The following PIEZO2 variants were observed in gnomAD, a reference collection of about 807,000 sequenced individuals.
PIEZO2 encodes the protein piezo type mechanosensitive ion channel component 2.
PIEZO2 carries 172 observed loss-of-function variants against 337.3 expected under a neutral mutation model. That is an observed-to-expected ratio of 0.51 (90% confidence interval 0.45 to 0.58). The LOEUF (loss-of-function observed/expected upper bound fraction) is 0.58, where lower values mean the gene tolerates loss of function less well. Among genes scored for constraint, PIEZO2 ranks in the 20% least tolerant of loss-of-function variants. PIEZO2 has a pLI of 0.00. For synonymous variants in PIEZO2, 1,251 were observed against 1,228.5 expected (o/e 1.02, Z -0.38); for missense variants, 3,028 against 3,391.3 (o/e 0.89, Z 2.66).
intron 3 of PIEZO2, among the ~76,000 whole-genome samples, chr18:10,926,596 AT>A (rs2031755284): frequency 6.6e-6 from 1 of 152,102 alleles, no homozygotes; most frequent in Non-Finnish European, 1.5e-5. Context: ...CTAATTGAGC[AT>A]TTTTTCCTTT....
At chr18:11,093,374 T>A (rs2039156361) in intron 1 of PIEZO2, among the ~76,000 whole-genome samples, 1 of 152,046 alleles carries the variant, frequency 6.6e-6, no homozygotes, top group Non-Finnish European at 1.5e-5. Flanking sequence ...AAACAAACAA[T>A]AACAATATAA....
At chr18:10,771,825 T>C (rs1470840468) in intron 20 of PIEZO2, among the ~76,000 whole-genome samples, 2 of 152,200 alleles carry the variant, frequency 1.3e-5, no homozygotes, top group Non-Finnish European at 2.9e-5. Context: ...TGAATCCCTT[T>C]GTCCAGCAGG....
At chr18:10,725,518 A>G in intron 36 of PIEZO2, 2 of 1,411,776 alleles carry the variant, frequency 1.4e-6, no homozygotes, top group South Asian at 2.7e-5. Flanking sequence ...GGGAGCTGGG[A>G]GTCGTGGGAA....
Position 10,696,400 on chromosome 18 carries a change from C to T in PIEZO2, c.6967G>A (p.Ala2323Thr), listed in dbSNP as rs2035086868. ...CCTTTGCCCCAACCTACCCCAAAGG[C>T]CCAAAAGCCGAAGACAATGATGATG... ...DFIIIVFGFW[A>T]FGKHSAAADI... Residue 2323 changes from alanine to threonine, a missense_variant, in exon 46 of 56, where the codon GCC becomes ACC. By Grantham distance (58) the Ala-to-Thr change is moderately conservative. This residue lies in a region of PIEZO2 where 1,925 missense variants were observed against 2,051.9 expected (regional missense o/e 0.94). Coordinates refer to ENST00000674853, the MANE Select transcript of PIEZO2 (RefSeq NM_001378183.1). The T allele has an allele frequency of 6.2e-7, 1 of 1,614,072 alleles. No individual in the cohort carries two copies. The highest frequency in any genetic ancestry group is 8.5e-7 in the Non-Finnish European group (1 of 1,180,036).
intron 8 of PIEZO2, among the ~76,000 whole-genome samples, chr18:10,804,592 G>T (rs975824701): frequency 6.6e-6 from 1 of 152,220 alleles, no homozygotes; most frequent in Non-Finnish European, 1.5e-5. Context: ...TACTGGAGTG[G>T]AGTGGACTTA....
chr18:10,796,597 A>G (rs2039607181), intron 12 of PIEZO2, among the ~76,000 whole-genome samples: 1 of 152,244 alleles, frequency 6.6e-6, no homozygotes, highest in Admixed American at 6.5e-5. Flanking sequence ...AATACTTAAA[A>G]GGAGGATAAA....
At chr18:11,006,420 G>T (rs1300656395) in intron 2 of PIEZO2, among the ~76,000 whole-genome samples, 1 of 152,180 alleles carries the variant, frequency 6.6e-6, no homozygotes, top group Non-Finnish European at 1.5e-5. Flanking sequence ...TGTGGCTTAA[G>T]ATCTTAGGGA....
chr18:10,957,912 T>A (rs2033610961), intron 3 of PIEZO2, among the ~76,000 whole-genome samples: 1 of 152,198 alleles, frequency 6.6e-6, no homozygotes, highest in African/African-American at 2.4e-5. Context: ...CATGAAAAAC[T>A]GCCCTACATC....
chr18:10,902,075 G>A (rs264177), intron 4 of PIEZO2, among the ~76,000 whole-genome samples: 93,260 of 152,082 alleles, frequency 0.61, 28,709 homozygotes, highest in East Asian at 0.79. Flanking sequence ...CAGCAGCATC[G>A]GTTTCTCATA....
At chr18:10,976,074 T>C (rs1236098287) in intron 3 of PIEZO2, among the ~76,000 whole-genome samples, 1 of 152,182 alleles carries the variant, frequency 6.6e-6, no homozygotes, top group African/African-American at 2.4e-5. Flanking sequence ...AACAATAACA[T>C]TAGTGAAGTG....
At chr18:10,959,657 T>G (rs2033683486) in intron 3 of PIEZO2, among the ~76,000 whole-genome samples, 2 of 152,242 alleles carry the variant, frequency 1.3e-5, no homozygotes, top group South Asian at 4.1e-4. Flanking sequence ...ACCCTTTATT[T>G]CATGAAATTA....
Position 11,047,426 on chromosome 18 carries a change from G to A in PIEZO2, c.160+18701C>T, listed in dbSNP as rs1049751574. 2.6e-5 allele frequency among the ~76,000 whole-genome samples: 4 copies of A among 152,130 alleles called. No homozygotes were observed. Among genetic ancestry groups the A allele is most frequent in the Admixed American group, 6.5e-5 (1 of 15,282 alleles). ...GCCTATCCCACAAGACGGCCCGGGG[G>A]AATTGTCCAAGAACAGGGCAAGGGG... On this transcript the variant is annotated intron_variant, in intron 2 of 55. Transcript: ENST00000674853. The surrounding 1 kb of genome is among the most constrained non-coding windows in gnomAD (Gnocchi z 7.2).
chr18:10,682,350 A>T lies in PIEZO2; in HGVS notation c.7498-58T>A. ...CAGGCTCAGGTGCTTTCCCGCAGGC[A>T]GCGGGATTGGGGGAGAGCGAGTGCT... On this transcript the variant is annotated intron_variant, in intron 49 of 55. Coordinates refer to ENST00000674853, the MANE Select transcript of PIEZO2 (RefSeq NM_001378183.1). This position sits in a 1 kb window ranked among gnomAD's most constrained non-coding sequence, Gnocchi z 5.6. 1 of 1,435,022 alleles carries T rather than the reference A, an allele frequency of 7.0e-7. No homozygotes were observed. The highest frequency in any genetic ancestry group is 9.3e-7 in the Non-Finnish European group (1 of 1,071,020). The allele number at this position is 1,435,022 out of a possible 1,614,324, so 88.9% of individuals were successfully genotyped here.
rs2036458576 is a variant in PIEZO2, at chr18:10,724,734, C to T, written c.5030-6475G>A. 5.3e-6 allele frequency: 8 copies of T among 1,516,532 alleles called. No homozygotes were observed. In the Admixed American group the frequency reaches 1.5e-4, roughly 29 times the overall value. 93.9% of individuals were successfully genotyped at this position (1,516,532 alleles called of 1,614,324 possible). A position where few individuals can be genotyped will look rare whatever the true frequency, so the allele number is the denominator to read the frequency against. ...CAGACCGAGATGGGCCACCACTGTACCCCTGGTCTCAGTCCCTGGCCTTGC... is the reference window on the plus strand; with the variant it reads ...CAGACCGAGATGGGCCACCACTGTATCCCTGGTCTCAGTCCCTGGCCTTGC... On this transcript the variant is annotated intron_variant, in intron 36 of 55. Coordinates refer to ENST00000674853, the MANE Select transcript of PIEZO2 (RefSeq NM_001378183.1). This position sits in a 1 kb window ranked among gnomAD's most constrained non-coding sequence, Gnocchi z 5.8.
chr18:10,875,669 C>G (rs2042251095), intron 4 of PIEZO2, among the ~76,000 whole-genome samples: 1 of 152,168 alleles, frequency 6.6e-6, no homozygotes, highest in South Asian at 2.1e-4. Flanking sequence ...AACAAGAACT[C>G]CAGCTGTGGC....
At chr18:10,858,700 C>T (rs117562778) in intron 5 of PIEZO2, among the ~76,000 whole-genome samples, 30 of 152,222 alleles carry the variant, frequency 2.0e-4, no homozygotes, top group African/African-American at 6.7e-4. Flanking sequence ...AAGCGTAAAG[C>T]GGCCTTCAGG....
At chr18:10,674,752 C>T (rs2033919027) in intron 54 of PIEZO2, among the ~76,000 whole-genome samples, 2 of 152,216 alleles carry the variant, frequency 1.3e-5, no homozygotes, top group Non-Finnish European at 2.9e-5. Flanking sequence ...TGAATTTATA[C>T]CATCCAAGTT....
rs1372717616 is a variant in PIEZO2, at chr18:10,784,012, C to T, written c.2492+772G>A. Among the ~76,000 whole-genome samples the T allele has an allele frequency of 6.6e-6, 1 of 152,152 alleles. No homozygotes were observed. The highest frequency in any genetic ancestry group is 1.5e-5 in the Non-Finnish European group (1 of 68,026). On this transcript the variant is annotated intron_variant, in intron 17 of 55. Coordinates refer to ENST00000674853, the MANE Select transcript of PIEZO2 (RefSeq NM_001378183.1). The surrounding 1 kb of genome is among the most constrained non-coding windows in gnomAD (Gnocchi z 4.5). ...GTGCTCCTCTCAATACAGCCCTTTG[C>T]TCCCTTAGCTGCTTAACAAGTATTT...
rs569343097 is a variant in PIEZO2, at chr18:10,705,439, G to A, written c.5896C>T (p.Arg1966Cys). Residue 1966 changes from arginine to cysteine, a missense_variant, in exon 41 of 56, where the codon CGT becomes TGT. By Grantham distance (180) the Arg-to-Cys change is radical. Coordinates refer to ENST00000674853, the MANE Select transcript of PIEZO2 (RefSeq NM_001378183.1). Reference sequence around the variant, plus strand: ...CTGTCGTCCGGGCTGACTGCCATACGGTTCTTGCCTGCAGAGTCGTCCTGC... The same window carrying A: ...CTGTCGTCCGGGCTGACTGCCATACAGTTCTTGCCTGCAGAGTCGTCCTGC... ...GSQDDSAGKN[R>C]MAVSPDDSRT... 81 of 1,537,232 alleles carry A rather than the reference G, an allele frequency of 5.3e-5. No homozygotes were observed. Among genetic ancestry groups the A allele is most frequent in the African/African-American group, 1.8e-4 (13 of 73,162 alleles).
Sources: gnomAD v4.1 joint callset for allele counts (sites outside exome capture counted in the v4.1 genomes callset) on GRCh38, gnomAD v4.1.1 for gene constraint, gnomAD v4.1.1 regional missense constraint, Gnocchi (gnomAD v3.1) non-coding constraint, MANE v1.5 for transcripts, NCBI Gene and HGNC (gene_info 2026-07-23, HGNC 2026-07-21) for gene names.